Variants in HCN1 observed in about 807,000 individuals in gnomAD.
HCN1 encodes hyperpolarization activated cyclic nucleotide gated potassium channel 1.
A neutral mutation model predicts 78.9 loss-of-function variants in HCN1; 13 were observed. The ratio of observed to expected loss-of-function variants is 0.16; its 90% CI spans 0.11 to 0.26. The LOEUF (loss-of-function observed/expected upper bound fraction) is 0.26, where lower values mean the gene tolerates loss of function less well. Among genes scored for constraint, HCN1 ranks in the 10% least tolerant of loss-of-function variants. HCN1 has a pLI of 1.00. For missense variants in HCN1, 810 were observed against 1,154.3 expected (o/e 0.70, Z 4.32); for synonymous variants, 552 against 455.5 (o/e 1.21, Z -2.70).
intron 4 of HCN1, among the ~76,000 whole-genome samples, chr5:45,392,180 AAGAGC>A (rs1206862256): frequency 1.3e-5 from 2 of 152,176 alleles, no homozygotes; most frequent in African/African-American, 2.4e-5. Context: ...GCTTGAAGAT[AAGAGC>A]AGGTTTTGGT....
At chr5:45,687,437 T>C (rs933758860) in intron 1 of HCN1, among the ~76,000 whole-genome samples, 1 of 152,198 alleles carries the variant, frequency 6.6e-6, no homozygotes, top group East Asian at 1.9e-4. Context: ...TTCTTATATT[T>C]CCTATTCCCT....
At chr5:45,275,795 C>T (rs1364393626) in intron 6 of HCN1, among the ~76,000 whole-genome samples, 2 of 152,144 alleles carry the variant, frequency 1.3e-5, no homozygotes, top group African/African-American at 4.8e-5. Context: ...ACAAAAATAA[C>T]ATAAAAATAT....
intron 2 of HCN1, chr5:45,559,793 G>T (rs571568854): frequency 6.6e-6 from 1 of 152,192 alleles, no homozygotes; most frequent in East Asian, 1.9e-4. Context: ...TTCCAGTGTG[G>T]GTAAAATGTA....
At chr5:45,386,148 T>G (rs1747903057) in intron 4 of HCN1, among the ~76,000 whole-genome samples, 1 of 152,040 alleles carries the variant, frequency 6.6e-6, no homozygotes, top group South Asian at 2.1e-4. Context: ...TACTTACCAT[T>G]TTTCTGTTCC....
intron 3 of HCN1, among the ~76,000 whole-genome samples, chr5:45,453,428 C>G (rs1740962869): frequency 6.6e-6 from 1 of 152,014 alleles, no homozygotes; most frequent in South Asian, 2.1e-4. Context: ...GAATTTACGA[C>G]AGTAGTAAAA....
intron 2 of HCN1, among the ~76,000 whole-genome samples, chr5:45,598,135 T>G (rs944382961): frequency 4.6e-5 from 7 of 152,128 alleles, no homozygotes; most frequent in African/African-American, 1.7e-4. Context: ...AGAACAAAGC[T>G]GGAGGCATGA....
chr5:45,320,886 C>A (rs1404104390), intron 5 of HCN1, among the ~76,000 whole-genome samples: 1 of 151,804 alleles, frequency 6.6e-6, no homozygotes, highest in East Asian at 1.9e-4. Flanking sequence ...GTTTTTAAAA[C>A]ACCGTCTGTA....
intron 4 of HCN1, among the ~76,000 whole-genome samples, chr5:45,389,946 C>G (rs2112033936): frequency 6.6e-6 from 1 of 152,224 alleles, no homozygotes; most frequent in East Asian, 1.9e-4. Flanking sequence ...TCTCATCATT[C>G]CAGAATTCAA....
intron 2 of HCN1, among the ~76,000 whole-genome samples, chr5:45,593,973 G>A (rs923485847): frequency 6.6e-5 from 10 of 152,116 alleles, no homozygotes; most frequent in African/African-American, 2.2e-4. Context: ...ACCATGCCCA[G>A]TCTATTCCTG....
intron 1 of HCN1, among the ~76,000 whole-genome samples, chr5:45,646,714 T>C (rs1037551358): frequency 2.6e-5 from 4 of 152,154 alleles, no homozygotes; most frequent in Non-Finnish European, 4.4e-5. Flanking sequence ...TATAGTGTTA[T>C]TTTTATAAGG....
chr5:45,449,624 T>C (rs1740869979), intron 3 of HCN1, among the ~76,000 whole-genome samples: 1 of 152,010 alleles, frequency 6.6e-6, no homozygotes, highest in South Asian at 2.1e-4. Context: ...TTTTTCTTTA[T>C]ACCGCTTTAT....
At chr5:45,518,352 C>T (rs1028414018) in intron 2 of HCN1, among the ~76,000 whole-genome samples, 15 of 151,946 alleles carry the variant, frequency 9.9e-5, no homozygotes, top group Non-Finnish European at 2.2e-4. Flanking sequence ...ATGTCTCCAT[C>T]AGTCTCCCCA....
rs934445259 is a variant in HCN1 at position 45,596,007 on chromosome 5, C to T, written c.849+49178G>A. ...TGGGTTCACGACATTCTCCCGCCCC[C>T]GCCTCAGCCTCCCGAGTAGCTGGGA... On this transcript the variant is annotated intron_variant, in intron 2 of 7. Coordinates refer to ENST00000303230, the MANE Select transcript of HCN1 (RefSeq NM_021072.4). Among the ~76,000 whole-genome samples the T allele has an allele frequency of 5.9e-5, 9 of 151,800 alleles. 1 individual carries two copies. Among genetic ancestry groups the T allele is most frequent in the African/African-American group, 2.2e-4 (9 of 41,334 alleles).
chr5:45,330,232 G>A (rs1182905208), intron 5 of HCN1, among the ~76,000 whole-genome samples: 1 of 151,228 alleles, frequency 6.6e-6, no homozygotes, highest in East Asian at 1.9e-4. Flanking sequence ...ATGATGCCAT[G>A]CTGCATTTGG....
intron 1 of HCN1, among the ~76,000 whole-genome samples, chr5:45,657,472 G>A (rs1454075951): frequency 6.6e-6 from 1 of 152,144 alleles, no homozygotes. Flanking sequence ...GTAGGCAGAT[G>A]TTGCACTTGC....
chr5:45,546,526 G>T (rs1743232137), intron 2 of HCN1, among the ~76,000 whole-genome samples: 1 of 151,862 alleles, frequency 6.6e-6, no homozygotes, highest in African/African-American at 2.4e-5. Flanking sequence ...TTGCTTCAAA[G>T]AAATTAAGAC....
At chr5:45,566,778 G>A (rs7716825) in intron 2 of HCN1, among the ~76,000 whole-genome samples, 149 of 152,228 alleles carry the variant, frequency 9.8e-4, no homozygotes, top group African/African-American at 1.7e-3. Context: ...ACTCTGGGAC[G>A]GGTTCCTCCC....
chr5:45,561,137 T>C (rs1743591949), intron 2 of HCN1, among the ~76,000 whole-genome samples: 1 of 152,116 alleles, frequency 6.6e-6, no homozygotes, highest in South Asian at 2.1e-4. Flanking sequence ...TAAAAAACTT[T>C]ACTTAAATAT....
chr5:45,514,243 A>G (rs1469239750), intron 2 of HCN1, among the ~76,000 whole-genome samples: 3 of 152,144 alleles, frequency 2.0e-5, no homozygotes, highest in Non-Finnish European at 4.4e-5. Flanking sequence ...ATTTAACATT[A>G]TTAGGAAATA....
Sources: gnomAD v4.1 joint callset for allele counts (sites outside exome capture counted in the v4.1 genomes callset) on GRCh38, gnomAD v4.1.1 for gene constraint, MANE v1.5 for transcripts, NCBI Gene and HGNC (gene_info 2026-07-23, HGNC 2026-07-21) for gene names.